The following SEL1L2 variants were observed in gnomAD, a reference collection of about 807,000 sequenced individuals.
SEL1L2 encodes protein sel-1 homolog 2.
In SEL1L2, 89 loss-of-function variants were observed where a neutral mutation model predicts 98.8. The ratio of observed to expected loss-of-function variants is 0.90; its 90% CI spans 0.76 to 1.07. The LOEUF is 1.07. Among genes scored for constraint, SEL1L2 ranks in the 50% least tolerant of loss-of-function variants. SEL1L2 has a pLI of 0.00. For synonymous variants in SEL1L2, 262 were observed against 278.5 expected, an observed-to-expected ratio of 0.94 and a Z score of 0.59; for missense variants, 788 against 812.0, an observed-to-expected ratio of 0.97 and a Z score of 0.36.
chr20:13,971,592 A>ATT (rs34169464), intron 1 of SEL1L2, among the ~76,000 whole-genome samples: 20,782 of 144,676 alleles, frequency 0.14, 1,593 homozygotes, highest in South Asian at 0.21. Context: ...TAGCTAGCTA[A>ATT]TTTTTTTTTT....
intron 18 of SEL1L2, among the ~76,000 whole-genome samples, chr20:13,858,139 T>C (rs1989457958): frequency 6.6e-6 from 1 of 152,146 alleles, no homozygotes; most frequent in African/African-American, 2.4e-5. Flanking sequence ...GAGGACAGGA[T>C]GGCAGGGATC....
At chr20:13,910,897 C>T (rs1385593961) in intron 5 of SEL1L2, among the ~76,000 whole-genome samples, 3 of 152,178 alleles carry the variant, frequency 2.0e-5, no homozygotes, top group South Asian at 2.1e-4. Flanking sequence ...GCAATAACCA[C>T]GTTAACTAGA....
At chr20:13,929,735 C>T (rs1433853221) in intron 3 of SEL1L2, among the ~76,000 whole-genome samples, 1 of 151,220 alleles carries the variant, frequency 6.6e-6, no homozygotes, top group Non-Finnish European at 1.5e-5. Flanking sequence ...CTCCTGACCT[C>T]GTGATCCTCC....
intron 12 of SEL1L2, among the ~76,000 whole-genome samples, chr20:13,872,353 G>C (rs897729463): frequency 1.3e-5 from 2 of 152,172 alleles, no homozygotes; most frequent in Admixed American, 6.5e-5. Context: ...CCGTGCTGCT[G>C]TTCCTGTGAT....
At chr20:13,850,398 G>A (rs978187425) in intron 18 of SEL1L2, 79 bp from the exon 19 acceptor site, 5 of 1,489,940 alleles carry the variant, frequency 3.4e-6, no homozygotes, top group Non-Finnish European at 4.7e-6. Flanking sequence ...AATATCAAAT[G>A]TAATTAAGGT....
chr20:13,870,941 A>G (rs1012285795), intron 12 of SEL1L2, among the ~76,000 whole-genome samples: 28 of 151,550 alleles, frequency 1.8e-4, no homozygotes, highest in African/African-American at 4.4e-4. Flanking sequence ...AAAAAAAAAA[A>G]AAAGAAATAG....
intron 5 of SEL1L2, among the ~76,000 whole-genome samples, chr20:13,903,937 AG>A (rs1441206936): frequency 6.6e-6 from 1 of 152,238 alleles, no homozygotes; most frequent in African/African-American, 2.4e-5. Flanking sequence ...GCCATTATCA[AG>A]CCCACATTTT....
At chr20:13,885,125 A>G (rs1030429138) in intron 10 of SEL1L2, among the ~76,000 whole-genome samples, 2 of 152,120 alleles carry the variant, frequency 1.3e-5, no homozygotes, top group African/African-American at 4.8e-5. Flanking sequence ...ATTGCTCCTC[A>G]GAAGTCCCTT....
chr20:13,925,441 C>T (rs543764225), intron 3 of SEL1L2, among the ~76,000 whole-genome samples: 1 of 152,314 alleles, frequency 6.6e-6, no homozygotes, highest in African/African-American at 2.4e-5. Flanking sequence ...AGGTTTTTCC[C>T]TGTGAGAGCT....
chr20:13,990,088 T>C (rs1282773820), intron 1 of SEL1L2, among the ~76,000 whole-genome samples: 1 of 152,202 alleles, frequency 6.6e-6, no homozygotes, highest in African/African-American at 2.4e-5. Context: ...AGCATGTTTA[T>C]ACATCTTTCA....
intron 17 of SEL1L2, among the ~76,000 whole-genome samples, chr20:13,863,504 C>T (rs567431008): frequency 6.6e-6 from 1 of 152,230 alleles, no homozygotes; most frequent in African/African-American, 2.4e-5. Flanking sequence ...TGAGTAACTG[C>T]TAAAAGGAGT....
intron 2 of SEL1L2, among the ~76,000 whole-genome samples, chr20:13,946,642 T>C (rs1033293267): frequency 2.0e-5 from 3 of 152,304 alleles, no homozygotes; most frequent in East Asian, 1.9e-4. Flanking sequence ...CCATTCCGAG[T>C]TGGCCAGGTG....
chr20:13,921,852 C>T (rs114751084), intron 3 of SEL1L2, among the ~76,000 whole-genome samples: 2 of 152,106 alleles, frequency 1.3e-5, no homozygotes, highest in Admixed American at 6.6e-5. Flanking sequence ...AGATTTGGAA[C>T]GTCATTTACT....
intron 5 of SEL1L2, among the ~76,000 whole-genome samples, chr20:13,900,076 TC>T (rs1282988935): frequency 6.6e-6 from 1 of 152,178 alleles, no homozygotes; most frequent in Admixed American, 6.5e-5. Flanking sequence ...TTATAGAATT[TC>T]CCAGTAAAAC....
chr20:13,903,708 G>T (rs151262990), intron 5 of SEL1L2, among the ~76,000 whole-genome samples: 262 of 152,264 alleles, frequency 1.7e-3, no homozygotes, highest in Middle Eastern at 6.8e-3. Context: ...CTACTACTGA[G>T]GCTGAGGCAG....
Position 13,931,646 on chromosome 20 carries a change from T to C in SEL1L2, c.240A>G (p.Lys80=), listed in dbSNP as rs1193341849. ...TCAAGATATCTTTATTTTGAATTCC[T>C]TTTATTCTTATTTTACGTTGATTCT... ...KKKNQRKIRI[K]GIQNKDILKR... is the part of the protein sequence containing the mutation. Residue 80 remains lysine, a synonymous_variant, in exon 3 of 20, where the codon AAA becomes AAG. Transcript: ENST00000284951. The C allele has an allele frequency of 1.3e-6, 2 of 1,487,938 alleles. No individual in the cohort carries two copies. Among genetic ancestry groups the C allele is most frequent in the Non-Finnish European group, 1.8e-6 (2 of 1,090,920 alleles). The allele number at this position is 1,487,938 out of a possible 1,614,324, so 92.2% of individuals were successfully genotyped here. A position where few individuals can be genotyped will look rare whatever the true frequency, so the allele number is the denominator to read the frequency against.
chr20:13,852,429 A>G (rs1287771716), intron 18 of SEL1L2, among the ~76,000 whole-genome samples: 1 of 152,180 alleles, frequency 6.6e-6, no homozygotes, highest in Non-Finnish European at 1.5e-5. Context: ...AGGGCAACTC[A>G]TAAAAGAAAT....
chr20:13,971,313 TTTTG>T (rs774651381), intron 1 of SEL1L2, among the ~76,000 whole-genome samples: 2 of 152,340 alleles, frequency 1.3e-5, no homozygotes, highest in Non-Finnish European at 1.5e-5. Flanking sequence ...CTTATAACCT[TTTTG>T]TTTGTGTTTT....
chr20:13,968,590 T>G (rs749211367), intron 1 of SEL1L2, among the ~76,000 whole-genome samples: 1 of 152,212 alleles, frequency 6.6e-6, no homozygotes, highest in African/African-American at 2.4e-5. Context: ...AGTGAGTTGC[T>G]CATTGCTTCA....
Sources: gnomAD v4.1 joint callset for allele counts (sites outside exome capture counted in the v4.1 genomes callset) on GRCh38, gnomAD v4.1.1 for gene constraint, MANE v1.5 for transcripts, NCBI Gene and HGNC (gene_info 2026-07-23, HGNC 2026-07-21) for gene names.